ORC3: variants seen among roughly 807,000 people sequenced by gnomAD.
ORC3 encodes the protein origin recognition complex subunit 3, also known as homolog of latheo, Drosophila.
Under a neutral mutation model 100.7 loss-of-function variants are expected in ORC3, and 78 were observed. The ratio of observed to expected loss-of-function variants is 0.77; its 90% CI spans 0.65 to 0.94. ORC3 has a LOEUF of 0.94. Ranked by LOEUF, ORC3 falls within the 40% of genes least tolerant of loss-of-function variation. The probability of loss-of-function intolerance (pLI) is 0.00; values close to 1 mark genes in which losing one functional copy is unlikely to be tolerated. For missense variants in ORC3, 789 were observed against 823.9 expected, an observed-to-expected ratio of 0.96 and a Z score of 0.52; for synonymous variants, 295 against 289.3, an observed-to-expected ratio of 1.02 and a Z score of -0.20.
At chr6:87,664,104 G>A (rs1004958618) in intron 17 of ORC3, among the ~76,000 whole-genome samples, 1 of 151,996 alleles carries the variant, frequency 6.6e-6, no homozygotes, top group Non-Finnish European at 1.5e-5. Context: ...TTCTTGGCTG[G>A]TGGGTCACAG....
At chr6:87,666,966 C>G in intron 19 of ORC3, 52 bp from the exon 20 acceptor site, 1 of 1,034,678 alleles carries the variant, frequency 9.7e-7, no homozygotes, top group Non-Finnish European at 1.5e-6. Flanking sequence ...AGATTTTAAT[C>G]CCTTTTTGTC....
In ORC3 at chr6:87,602,891, A is replaced by G. The variant is rs545109995; in HGVS notation, c.178-493A>G. 8.4e-3 allele frequency among the ~76,000 whole-genome samples: 872 copies of G among 104,262 alleles called. 12 individuals carry two copies. The highest frequency in any genetic ancestry group is 0.026 in the African/African-American group (640 of 24,418). The allele number at this position is 104,262 out of a possible 152,430, so 68.4% of individuals were successfully genotyped here. On this transcript the variant is annotated intron_variant, in intron 3 of 19. Coordinates refer to ENST00000392844, the MANE Select transcript of ORC3 (RefSeq NM_012381.4). The stretch of plus-strand genomic sequence containing the variant: ...CAAAATCCAAACCCTTTAATGTCAT[A>G]TATCATATATATATTATATATTATA...
At chr6:87,619,589 A>G (rs1157653254) in intron 9 of ORC3, among the ~76,000 whole-genome samples, 3 of 152,126 alleles carry the variant, frequency 2.0e-5, no homozygotes, top group Non-Finnish European at 4.4e-5. Context: ...TATTTTTAGT[A>G]GAGATGGGGT....
At chr6:87,653,682 ACTG>A (rs746356691) in intron 14 of ORC3, among the ~76,000 whole-genome samples, 9 of 152,170 alleles carry the variant, frequency 5.9e-5, no homozygotes, top group Non-Finnish European at 1.3e-4. Flanking sequence ...ATAGCTATGA[ACTG>A]CTTTCACAGC....
rs1464181806 is a variant in ORC3, at chr6:87,612,173, A to T, written c.798A>T (p.Ala266=). The T allele has an allele frequency of 5.0e-6, 8 of 1,613,442 alleles. No individual in the cohort carries two copies. Residue 266 remains alanine, a synonymous_variant, in exon 8 of 20, where the codon GCA becomes GCT. Coordinates refer to ENST00000392844, the MANE Select transcript of ORC3 (RefSeq NM_012381.4). ...PIIIHRLLPH[A]VSSLLCIELF... ...TCATCCACCGATTGCTTCCTCATGC[A>T]GTATCATCTCTATTGTGCATAGAAC...
At position 87,611,162 on chromosome 6, in the gene ORC3, C is replaced by A. The variant is rs28381488; in HGVS notation, c.714-927C>A. Among the ~76,000 whole-genome samples the A allele has an allele frequency of 6.0e-3, 905 of 151,974 alleles. 10 individuals carry two copies. The highest frequency in any genetic ancestry group is 0.02 in the Middle Eastern group (6 of 294). On this transcript the variant is annotated intron_variant, in intron 7 of 19. Transcript: ENST00000392844. ...GTGTTGCCCAGGCTGGTCTCAAACT[C>A]TTGGCCTCAAGAGATCTGCCCTCCT...
chr6:87,637,474 C>CT (rs143974120), intron 13 of ORC3, among the ~76,000 whole-genome samples: 8 of 151,164 alleles, frequency 5.3e-5, no homozygotes, highest in African/African-American at 1.2e-4. Context: ...CTTTTTTCTT[C>CT]TTTTTTTTTA....
At position 87,606,030 on chromosome 6, in the gene ORC3, A is replaced by G. The variant is rs376053005; in HGVS notation, c.427+9A>G. On this transcript the variant is annotated intron_variant, in intron 5 of 19. Coordinates refer to ENST00000392844, the MANE Select transcript of ORC3 (RefSeq NM_012381.4). ...AGCTAAAGATTGTCCAGGTAAAAATATAAATGCCATAATAACCTTGATGAG... is the reference window on the plus strand; with the variant it reads ...AGCTAAAGATTGTCCAGGTAAAAATGTAAATGCCATAATAACCTTGATGAG... 6 of 1,318,818 alleles carry G rather than the reference A, an allele frequency of 4.5e-6. No homozygotes were observed. Among genetic ancestry groups the G allele is most frequent in the African/African-American group, 1.5e-5 (1 of 68,884 alleles). 81.7% of individuals were successfully genotyped at this position (1,318,818 alleles called of 1,614,324 possible).
At chr6:87,608,924 G>A (rs1778540285) in intron 6 of ORC3, among the ~76,000 whole-genome samples, 172 bp from the exon 7 acceptor site, 1 of 151,868 alleles carries the variant, frequency 6.6e-6, no homozygotes, top group Admixed American at 6.6e-5. Context: ...TTATTCCCAT[G>A]TCAGACACAG....
At chr6:87,623,514 A>T (rs947922780) in intron 11 of ORC3, among the ~76,000 whole-genome samples, 9 of 152,204 alleles carry the variant, frequency 5.9e-5, no homozygotes, top group African/African-American at 2.2e-4. Context: ...AGAAGCCAGG[A>T]ATAGATTTTT....
intron 4 of ORC3, among the ~76,000 whole-genome samples, chr6:87,604,210 A>G (rs1166791647): frequency 6.6e-6 from 1 of 152,176 alleles, no homozygotes; most frequent in Non-Finnish European, 1.5e-5. Flanking sequence ...CATGCTCTTA[A>G]TTTCTCTTTC....
At chr6:87,635,003 GT>G in intron 12 of ORC3, 42 bp downstream of exon 12, 2 of 1,016,240 alleles carry the variant, frequency 2.0e-6, no homozygotes, top group South Asian at 2.5e-5. Context: ...AAGTAGGAAT[GT>G]TAGTATTTTC....
intron 13 of ORC3, among the ~76,000 whole-genome samples, chr6:87,650,739 G>T (rs1034271928): frequency 2.0e-5 from 3 of 152,224 alleles, no homozygotes; most frequent in African/African-American, 7.2e-5. Context: ...TGGGTGCAGT[G>T]GCTCACGCCT....
intron 13 of ORC3, among the ~76,000 whole-genome samples, chr6:87,652,149 C>T (rs576892934): frequency 7.2e-5 from 11 of 152,238 alleles, no homozygotes; most frequent in East Asian, 5.8e-4. Flanking sequence ...CCACCCGCCT[C>T]GGCCTCCCAA....
At chr6:87,623,044 C>G (rs989393225) in intron 11 of ORC3, among the ~76,000 whole-genome samples, 1 of 152,006 alleles carries the variant, frequency 6.6e-6, no homozygotes, top group Non-Finnish European at 1.5e-5. Flanking sequence ...GTAATACATA[C>G]GATTTTCAGA....
intron 6 of ORC3, 106 bp downstream of exon 6, chr6:87,607,930 CA>C: frequency 1.5e-6 from 1 of 668,950 alleles, no homozygotes; most frequent in Non-Finnish European, 2.4e-6. Flanking sequence ...TATGTTTCTG[CA>C]GCACTAGGTG....
At chr6:87,647,012 C>T (rs181864687) in intron 13 of ORC3, among the ~76,000 whole-genome samples, 1 of 152,308 alleles carries the variant, frequency 6.6e-6, no homozygotes, top group East Asian at 1.9e-4. Context: ...CCTCTTCTTG[C>T]CACCTTCCTT....
chr6:87,592,556 G>C (rs189542506), intron 1 of ORC3, among the ~76,000 whole-genome samples: 147 of 152,232 alleles, frequency 9.7e-4, no homozygotes, highest in Admixed American at 1.2e-3. Context: ...CTGAACCCGG[G>C]AGGTAGAGGT....
intron 8 of ORC3, among the ~76,000 whole-genome samples, chr6:87,615,156 G>GGCAAAGAGAGAGAGCTTGT (rs1779069836): frequency 6.6e-6 from 1 of 152,186 alleles, no homozygotes; most frequent in African/African-American, 2.4e-5. Flanking sequence ...GCTGGTAGCA[G>GGCAAAGAGAGAGAGCTTGT]GCAAAGAGAG....
Sources: gnomAD v4.1 joint callset for allele counts (sites outside exome capture counted in the v4.1 genomes callset) on GRCh38, gnomAD v4.1.1 for gene constraint, MANE v1.5 for transcripts, NCBI Gene and HGNC (gene_info 2026-07-23, HGNC 2026-07-21) for gene names.